HS3ST5: variants seen among roughly 807,000 people sequenced by gnomAD.
HS3ST5 encodes the protein heparan sulfate-glucosamine 3-sulfotransferase 5.
In HS3ST5, 10 loss-of-function variants were observed where a neutral mutation model predicts 25.4. The ratio of observed to expected loss-of-function variants is 0.39; its 90% CI spans 0.24 to 0.67. HS3ST5 has a LOEUF of 0.67. HS3ST5 is among the 30% of genes least tolerant of loss of function. HS3ST5 has a pLI of 0.44. For synonymous variants in HS3ST5, 170 were observed against 162.4 expected (o/e 1.05, Z -0.36); for missense variants, 324 against 420.7 (o/e 0.77, Z 2.01).
chr6:114,237,047 A>T (rs553606202), intron 1 of HS3ST5, among the ~76,000 whole-genome samples: 68 of 152,328 alleles, frequency 4.5e-4, no homozygotes, highest in African/African-American at 1.6e-3. Flanking sequence ...TGCTAAAATG[A>T]TTTGCGACAT....
chr6:114,214,981 T>C (rs1271852285), intron 2 of HS3ST5, among the ~76,000 whole-genome samples: 1 of 152,128 alleles, frequency 6.6e-6, no homozygotes, highest in Non-Finnish European at 1.5e-5. Flanking sequence ...CTATTATTTC[T>C]AAACCTTAGT....
At chr6:114,259,435 T>C (rs571531960) in intron 1 of HS3ST5, among the ~76,000 whole-genome samples, 1 of 152,230 alleles carries the variant, frequency 6.6e-6, no homozygotes, top group African/African-American at 2.4e-5. Context: ...TGTAAATACA[T>C]AACACAGGGC....
At position 114,257,121 on chromosome 6, in the gene HS3ST5, G is replaced by A. The variant is rs543847678; in HGVS notation, c.-338-28343C>T. On this transcript the variant is annotated intron_variant, in intron 1 of 4. Coordinates refer to ENST00000312719, the MANE Select transcript of HS3ST5 (RefSeq NM_153612.4). ...CCCTATGATTCAATTATCTCCCACC[G>A]GGTCCCTCCCACAACATGTGGGAAT... 7.6e-4 allele frequency among the ~76,000 whole-genome samples: 115 copies of A among 152,176 alleles called. 1 individual carries two copies. The highest frequency in any genetic ancestry group is 1.3e-3 in the Non-Finnish European group (91 of 68,022).
intron 1 of HS3ST5, among the ~76,000 whole-genome samples, chr6:114,307,062 A>G (rs1775327321): frequency 6.6e-6 from 1 of 152,212 alleles, no homozygotes; most frequent in African/African-American, 2.4e-5. Flanking sequence ...TCAAGCAAGG[A>G]CTTCCAAATC....
intron 3 of HS3ST5, among the ~76,000 whole-genome samples, chr6:114,151,089 G>C (rs1329658635): frequency 6.6e-6 from 1 of 152,134 alleles, no homozygotes; most frequent in East Asian, 1.9e-4. Context: ...GACTCTGATA[G>C]AATGAAGCAC....
intron 1 of HS3ST5, among the ~76,000 whole-genome samples, chr6:114,311,832 C>T (rs901418966): frequency 7.2e-5 from 11 of 152,076 alleles, no homozygotes; most frequent in Non-Finnish European, 1.0e-4. Flanking sequence ...CGTGAGCCAC[C>T]GTGCCCAGCT....
intron 2 of HS3ST5, among the ~76,000 whole-genome samples, chr6:114,170,454 G>A (rs1779427057): frequency 6.6e-6 from 1 of 152,052 alleles, no homozygotes; most frequent in Admixed American, 6.5e-5. Context: ...TTTACAAAAT[G>A]TAACTATTTT....
At chr6:114,082,008 C>T (rs567418592) in intron 3 of HS3ST5, among the ~76,000 whole-genome samples, 249 of 152,208 alleles carry the variant, frequency 1.6e-3, no homozygotes, top group African/African-American at 5.8e-3. Context: ...TAGCAGTCTA[C>T]CCCATTTCTC....
chr6:114,280,377 A>G (rs1006224854), intron 1 of HS3ST5, among the ~76,000 whole-genome samples: 7 of 151,950 alleles, frequency 4.6e-5, no homozygotes, highest in Non-Finnish European at 1.0e-4. Context: ...ACTGTGGGTC[A>G]GCATCACATA....
chr6:114,062,884 T>C lies in HS3ST5; in HGVS notation c.-32-7A>G. 6.6e-7 allele frequency: 1 copy of C among 1,511,742 alleles called. No homozygotes were observed. Among genetic ancestry groups the C allele is most frequent in the South Asian group, 1.1e-5 (1 of 88,850 alleles). 93.6% of individuals were successfully genotyped at this position (1,511,742 alleles called of 1,614,324 possible). ...CCTTCAGGACTGCTGCAGCCTGCGATAGAAGGACTCATCAGCAGCCATCTC... is the reference window on the plus strand; with the variant it reads ...CCTTCAGGACTGCTGCAGCCTGCGACAGAAGGACTCATCAGCAGCCATCTC... On this transcript the variant is annotated splice_region_variant and splice_polypyrimidine_tract_variant and intron_variant, in intron 3 of 4. Coordinates refer to ENST00000312719, the MANE Select transcript of HS3ST5 (RefSeq NM_153612.4).
intron 1 of HS3ST5, among the ~76,000 whole-genome samples, chr6:114,263,422 C>T (rs1301423581): frequency 1.3e-5 from 2 of 152,030 alleles, no homozygotes; most frequent in Non-Finnish European, 2.9e-5. Context: ...AAAAACAAAA[C>T]CCTTGTTAGC....
intron 1 of HS3ST5, among the ~76,000 whole-genome samples, chr6:114,237,114 A>T (rs1771894319): frequency 6.6e-6 from 1 of 152,196 alleles, no homozygotes; most frequent in African/African-American, 2.4e-5. Flanking sequence ...CTTTACAACA[A>T]TCAAAGACTA....
chr6:114,302,942 T>G (rs1775139820), intron 1 of HS3ST5, among the ~76,000 whole-genome samples: 1 of 152,060 alleles, frequency 6.6e-6, no homozygotes, highest in Non-Finnish European at 1.5e-5. Flanking sequence ...CTTAAACTTG[T>G]GTAGTTATTC....
At chr6:114,324,443 C>T (rs1776092480) in intron 1 of HS3ST5, among the ~76,000 whole-genome samples, 1 of 152,174 alleles carries the variant, frequency 6.6e-6, no homozygotes, top group Non-Finnish European at 1.5e-5. Context: ...AATCCTTGGA[C>T]CTAAAACATT....
chr6:114,271,084 T>C (rs1773619845), intron 1 of HS3ST5, among the ~76,000 whole-genome samples: 1 of 152,072 alleles, frequency 6.6e-6, no homozygotes, highest in African/African-American at 2.4e-5. Context: ...AGACATGATG[T>C]CTATCTGTTG....
At chr6:114,265,531 A>G (rs1257519908) in intron 1 of HS3ST5, among the ~76,000 whole-genome samples, 4 of 152,196 alleles carry the variant, frequency 2.6e-5, no homozygotes, top group Non-Finnish European at 4.4e-5. Flanking sequence ...TATGATGGCA[A>G]TAATCCAGTC....
chr6:114,324,013 G>C (rs1471569147), intron 1 of HS3ST5, among the ~76,000 whole-genome samples: 1 of 152,142 alleles, frequency 6.6e-6, no homozygotes, highest in African/African-American at 2.4e-5. Context: ...GGGGACACTG[G>C]CTTCTTCCTG....
At chr6:114,338,484 A>T (rs922309934) in intron 1 of HS3ST5, among the ~76,000 whole-genome samples, 8 of 152,166 alleles carry the variant, frequency 5.3e-5, no homozygotes, top group East Asian at 1.9e-4. Context: ...GAAGAAGAAA[A>T]ATAATCTACT....
At chr6:114,264,752 T>A (rs1197674544) in intron 1 of HS3ST5, among the ~76,000 whole-genome samples, 1 of 152,182 alleles carries the variant, frequency 6.6e-6, no homozygotes, top group African/African-American at 2.4e-5. Flanking sequence ...TCCAGTATCA[T>A]ATGTGATCAC....
Sources: gnomAD v4.1 joint callset for allele counts (sites outside exome capture counted in the v4.1 genomes callset) on GRCh38, gnomAD v4.1.1 for gene constraint, MANE v1.5 for transcripts, NCBI Gene and HGNC (gene_info 2026-07-23, HGNC 2026-07-21) for gene names.